CRYBG3: variants seen among roughly 807,000 people sequenced by gnomAD.
CRYBG3 encodes the protein very large A-kinase anchor protein.
CRYBG3 carries 127 observed loss-of-function variants against 244.2 expected under a neutral mutation model. The observed-to-expected ratio is 0.52, with a 90% CI of 0.45 to 0.60. CRYBG3 has a LOEUF of 0.60. Ranked by LOEUF, CRYBG3 falls within the 20% of genes least tolerant of loss-of-function variation. CRYBG3 has a pLI of 0.00. For missense variants in CRYBG3, 3,325 were observed against 3,442.5 expected, an observed-to-expected ratio of 0.97 and a Z score of 0.85; for synonymous variants, 1,132 against 1,195.8, an observed-to-expected ratio of 0.95 and a Z score of 1.10.
intron 1 of CRYBG3, among the ~76,000 whole-genome samples, chr3:97,840,139 A>G (rs1254190280): frequency 2.0e-5 from 3 of 152,016 alleles, no homozygotes; most frequent in Non-Finnish European, 4.4e-5. Flanking sequence ...GTGGGGAAGG[A>G]TGTTGCAAGC....
In CRYBG3 at chr3:97,864,442, G is replaced by A. The variant is rs746364183; in HGVS notation, c.442G>A (p.Asp148Asn). The A allele has an allele frequency of 2.0e-6, 3 of 1,535,828 alleles. No individual in the cohort carries two copies. Among genetic ancestry groups the A allele is most frequent in the Non-Finnish European group, 2.6e-6 (3 of 1,146,772 alleles). ...GEAKQSSFKD[D>N]QDKTEKDLQN... ...AGCTAAGCAGTCTTCTTTCAAAGAT[G>A]ACCAGGATAAAACTGAGAAGGATTT... The change falls in exon 3 of 22, where the codon GAC (aspartate) becomes AAC (asparagine). Residue 148 changes from aspartate (D) to asparagine (N), a missense_variant. Asp to Asn is a conservative substitution (Grantham distance 23, BLOSUM62 1). This residue lies in a region of CRYBG3 where 1,526 missense variants were observed against 1,443.2 expected (regional missense o/e 1.06). Coordinates refer to ENST00000389622, the MANE Select transcript of CRYBG3 (RefSeq NM_153605.4).
In CRYBG3 at chr3:97,875,978, G is replaced by A; in HGVS notation, c.4784G>A (p.Gly1595Glu). 1 of 1,232,060 alleles carries A rather than the reference G, an allele frequency of 8.1e-7. No individual in the cohort carries two copies. The highest frequency in any genetic ancestry group is 1.0e-6 in the Non-Finnish European group (1 of 987,942). The allele number at this position is 1,232,060 out of a possible 1,614,324, so 76.3% of individuals were successfully genotyped here. The change falls in exon 4 of 22, where the codon GGA becomes GAA. Residue 1595 changes from glycine (G) to glutamate (E), a missense_variant. By Grantham distance (98) the Gly-to-Glu change is moderately conservative. Coordinates refer to ENST00000389622, the MANE Select transcript of CRYBG3 (RefSeq NM_153605.4). ...TEPKANVFKM[G>E]EVYQMDAESC... ...CCAAAAGCTAATGTTTTTAAAATGG[G>A]AGAAGTATACCAAATGGATGCCGAG... is the stretch of plus-strand genomic sequence containing the variant.
intron 15 of CRYBG3, among the ~76,000 whole-genome samples, chr3:97,907,688 A>G (rs1333929680): frequency 1.3e-5 from 2 of 151,154 alleles, no homozygotes; most frequent in Non-Finnish European, 2.9e-5. Context: ...TGATCCTTTC[A>G]AAAAACCAGC....
chr3:97,895,938 G>T, intron 11 of CRYBG3, 21 bp from the exon 12 acceptor site: 1 of 1,606,170 alleles, frequency 6.2e-7, no homozygotes, highest in South Asian at 1.1e-5. Context: ...TGGGTCATTT[G>T]GGTGTCCCCT....
chr3:97,916,829 C>A (rs2039933939), intron 17 of CRYBG3, among the ~76,000 whole-genome samples: 1 of 151,882 alleles, frequency 6.6e-6, no homozygotes, highest in South Asian at 2.1e-4. Flanking sequence ...TCTGTAGACA[C>A]CAACATGGAA....
intron 12 of CRYBG3, 50 bp from the exon 13 acceptor site, chr3:97,898,833 A>G (rs1234738150): frequency 1.5e-6 from 2 of 1,368,176 alleles, no homozygotes; most frequent in East Asian, 2.3e-5. Context: ...ATAGCAGTCC[A>G]TAAAACAGAA....
chr3:97,888,949 C>T (rs2039541023), intron 9 of CRYBG3, among the ~76,000 whole-genome samples: 1 of 152,154 alleles, frequency 6.6e-6, no homozygotes, highest in South Asian at 2.1e-4. Flanking sequence ...TAGGGAAGAC[C>T]TTTGGATTAG....
chr3:97,919,153 A>G (rs2039957911), intron 17 of CRYBG3, among the ~76,000 whole-genome samples: 1 of 152,180 alleles, frequency 6.6e-6, no homozygotes, highest in African/African-American at 2.4e-5. Flanking sequence ...ACTTCCTTTT[A>G]AAAACTTGAG....
At chr3:97,860,923 C>A (rs561035328) in intron 2 of CRYBG3, among the ~76,000 whole-genome samples, 4 of 152,030 alleles carry the variant, frequency 2.6e-5, no homozygotes, top group East Asian at 3.9e-4. Flanking sequence ...GACATCTCAA[C>A]TTTTGTATCA....
intron 1 of CRYBG3, among the ~76,000 whole-genome samples, chr3:97,840,075 A>C (rs1056779385): frequency 3.3e-5 from 5 of 152,054 alleles, no homozygotes; most frequent in Non-Finnish European, 5.9e-5. Context: ...GTGAGAGCAC[A>C]AAAAATACAA....
Position 97,874,273 on chromosome 3 carries a change from A to AGCTTC in CRYBG3, c.3080_3084dup (p.Leu1029AlafsTer9), listed in dbSNP as rs2039343579. On this transcript the variant is annotated frameshift_variant, in exon 4 of 22. Transcript: ENST00000389622. LOFTEE classifies it high-confidence loss of function. ...AAATTCTTCTGCATCTGAGGACTCA[A>AGCTTC]GCTTCCTTAAAGTACCTTCTGTGCT... 1 of 1,534,766 alleles carries AGCTTC rather than the reference A, an allele frequency of 6.5e-7. No individual in the cohort carries two copies.
intron 18 of CRYBG3, 138 bp downstream of exon 18, chr3:97,933,971 C>T: frequency 1.7e-6 from 1 of 586,230 alleles, no homozygotes; most frequent in Non-Finnish European, 3.0e-6. Flanking sequence ...GAAGGGCTAC[C>T]ATATGGTCAC....
chr3:97,889,298 C>T (rs2039544990), intron 9 of CRYBG3, 57 bp from the exon 10 acceptor site: 1 of 1,294,932 alleles, frequency 7.7e-7, no homozygotes, highest in African/African-American at 1.5e-5. Flanking sequence ...TCAGATATTA[C>T]ATTCAAATGT....
At chr3:97,827,891 G>A (rs773256102) in intron 1 of CRYBG3, among the ~76,000 whole-genome samples, 7 of 152,110 alleles carry the variant, frequency 4.6e-5, no homozygotes, top group South Asian at 4.2e-4. Flanking sequence ...GGGAAGACTC[G>A]TAAAAGAAGG....
chr3:97,859,402 C>T (rs576230858), intron 2 of CRYBG3, among the ~76,000 whole-genome samples: 16 of 152,256 alleles, frequency 1.1e-4, no homozygotes, highest in East Asian at 3.9e-4. Context: ...TCACATGCTA[C>T]GGGCTGCTTA....
At chr3:97,839,860 C>T (rs2038787805) in intron 1 of CRYBG3, among the ~76,000 whole-genome samples, 1 of 152,020 alleles carries the variant, frequency 6.6e-6, no homozygotes, top group East Asian at 1.9e-4. Flanking sequence ...ATTGGGATTA[C>T]AGGCCACACC....
intron 10 of CRYBG3, among the ~76,000 whole-genome samples, chr3:97,892,250 G>A (rs550432182): frequency 5.3e-5 from 8 of 152,236 alleles, no homozygotes; most frequent in East Asian, 1.9e-4. Flanking sequence ...TTTTTGAGTC[G>A]AAATTGTGCA....
intron 1 of CRYBG3, among the ~76,000 whole-genome samples, chr3:97,824,581 T>A (rs2038553845): frequency 6.6e-6 from 1 of 152,150 alleles, no homozygotes; most frequent in Non-Finnish European, 1.5e-5. Context: ...GGAAAATCTT[T>A]GTTTTTATGG....
intron 1 of CRYBG3, among the ~76,000 whole-genome samples, chr3:97,832,243 A>AAG (rs2038664080): frequency 6.6e-6 from 1 of 151,412 alleles, no homozygotes; most frequent in Non-Finnish European, 1.5e-5. Context: ...AAAAAAAAAA[A>AAG]AGAGCCCATA....
Sources: allele counts gnomAD v4.1 joint callset (sites outside exome capture counted in the v4.1 genomes callset), GRCh38; gene constraint gnomAD v4.1.1; regional missense constraint gnomAD v4.1.1; transcripts MANE v1.5; gene names NCBI Gene and HGNC (gene_info 2026-07-23, HGNC 2026-07-21).